The following USPL1 variants were observed in gnomAD, a reference collection of about 807,000 sequenced individuals.
USPL1 encodes the protein ubiquitin specific peptidase like 1.
Under a neutral mutation model 51.5 loss-of-function variants are expected in USPL1, and 27 were observed. The ratio of observed to expected loss-of-function variants is 0.52; its 90% CI spans 0.39 to 0.72. The LOEUF (loss-of-function observed/expected upper bound fraction) is 0.72. Ranked by LOEUF, USPL1 falls within the 30% of genes least tolerant of loss-of-function variation. The pLI, the probability that USPL1 is intolerant of heterozygous loss-of-function variation, is 0.00. For missense variants in USPL1, 1,226 were observed against 1,268.0 expected (o/e 0.97, Z 0.50); for synonymous variants, 451 against 459.6 (o/e 0.98, Z 0.24).
At position 30,621,017 on chromosome 13, in the gene USPL1, CT is replaced by C. The variant is rs1950640166; in HGVS notation, c.-68-50del. The C allele has an allele frequency of 5.3e-6, 4 of 749,912 alleles. No individual in the cohort carries two copies. The Admixed American group carries it at 9.8e-5, about 18-fold the overall frequency. The allele number at this position is 749,912 out of a possible 1,614,324, so 46.5% of individuals were successfully genotyped here. A position where few individuals can be genotyped will look rare whatever the true frequency, so the allele number is the denominator to read the frequency against. On this transcript the variant is annotated intron_variant, in intron 1 of 8. Transcript: ENST00000255304. ...ATACGTCTTATAAAATAGCATGGTT[CT>C]TTTTTATAGTAAATAGAATTTTTAT...
intron 8 of USPL1, among the ~76,000 whole-genome samples, chr13:30,656,172 T>A (rs1951160940): frequency 6.6e-6 from 1 of 152,240 alleles, no homozygotes; most frequent in Non-Finnish European, 1.5e-5. Context: ...CCTAGCCACC[T>A]TCCTTTACTT....
intron 3 of USPL1, among the ~76,000 whole-genome samples, chr13:30,626,251 T>C (rs113529091): frequency 6.6e-6 from 1 of 151,978 alleles, no homozygotes; most frequent in Non-Finnish European, 1.5e-5. Flanking sequence ...TGGCAGAAGT[T>C]GCAGTGAGCC....
At chr13:30,623,603 G>C (rs1322993107) in intron 3 of USPL1, among the ~76,000 whole-genome samples, 1 of 150,604 alleles carries the variant, frequency 6.6e-6, no homozygotes, top group East Asian at 1.9e-4. Context: ...CTGTTATTCA[G>C]AATGAGCCTG....
intron 5 of USPL1, among the ~76,000 whole-genome samples, chr13:30,640,495 G>C (rs556181647): frequency 2.4e-4 from 36 of 152,220 alleles, no homozygotes; most frequent in African/African-American, 8.7e-4. Context: ...TTCAAGATCA[G>C]CCTGGCCAAC....
chr13:30,640,624 T>C (rs1376318625), intron 5 of USPL1, among the ~76,000 whole-genome samples: 1 of 152,138 alleles, frequency 6.6e-6, no homozygotes, highest in Non-Finnish European at 1.5e-5. Flanking sequence ...CAGGAGGCAG[T>C]GGTTGCAGCG....
At chr13:30,619,351 C>G (rs1033711145) in intron 1 of USPL1, among the ~76,000 whole-genome samples, 1 of 152,140 alleles carries the variant, frequency 6.6e-6, no homozygotes, top group East Asian at 1.9e-4. Flanking sequence ...CAACCACCAA[C>G]CTATCTGGTT....
At chr13:30,655,232 C>T (rs529525446) in intron 8 of USPL1, among the ~76,000 whole-genome samples, 40 of 152,274 alleles carry the variant, frequency 2.6e-4, no homozygotes, top group Admixed American at 2.0e-3. Context: ...CCACCGCACC[C>T]GGCCATATCT....
At chr13:30,650,787 C>T (rs545056496) in intron 7 of USPL1, among the ~76,000 whole-genome samples, 2 of 151,562 alleles carry the variant, frequency 1.3e-5, no homozygotes, top group Non-Finnish European at 1.5e-5. Flanking sequence ...GTCAGGAGTT[C>T]GAGACCAATC....
At position 30,658,140 on chromosome 13, in the gene USPL1, T is replaced by C. The variant is rs753931460; in HGVS notation, c.2063T>C (p.Ile688Thr). The C allele has an allele frequency of 1.2e-6, 2 of 1,613,708 alleles. No individual in the cohort carries two copies. The highest frequency in any genetic ancestry group is 1.7e-6 in the Non-Finnish European group (2 of 1,180,010). The change falls in exon 9 of 9, where the codon ATA (isoleucine) becomes ACA (threonine). Residue 688 changes from isoleucine (I) to threonine (T), a missense_variant. Ile to Thr is a moderately conservative substitution (Grantham distance 89, BLOSUM62 -1). Transcript: ENST00000255304. ...AATAATACTGATGCTACTGGTCTTA[T>C]ACAGGGAGTGAAGTCAGTAGAAATT... ...SVNNTDATGL[I>T]QGVKSVEIEK... is the part of the protein sequence containing the mutation.
chr13:30,635,493 T>C (rs748548593), intron 4 of USPL1, among the ~76,000 whole-genome samples: 18 of 152,218 alleles, frequency 1.2e-4, no homozygotes, highest in Non-Finnish European at 1.8e-4. Flanking sequence ...TTCTCTTGGT[T>C]ACTTTGTCTA....
intron 4 of USPL1, among the ~76,000 whole-genome samples, chr13:30,634,601 T>G (rs1446613236): frequency 6.6e-6 from 1 of 152,184 alleles, no homozygotes; most frequent in Non-Finnish European, 1.5e-5. Flanking sequence ...TAACAGAATA[T>G]TCATCTACCT....
At chr13:30,654,344 ATTCTCTCTCTCTCTCTCT>A (rs1385072602) in intron 8 of USPL1, among the ~76,000 whole-genome samples, 1 of 144,502 alleles carries the variant, frequency 6.9e-6, no homozygotes, top group Non-Finnish European at 1.5e-5. Flanking sequence ...CCTCTCTCTC[ATTCTCTCTCTCTCTCTCT>A]TTCTCTCTCT....
intron 1 of USPL1, among the ~76,000 whole-genome samples, chr13:30,618,751 G>A (rs1950605989): frequency 6.6e-6 from 1 of 152,166 alleles, no homozygotes; most frequent in African/African-American, 2.4e-5. Context: ...GAAAGATGCT[G>A]GGGGTGAAGT....
At chr13:30,625,095 C>T (rs752565568) in intron 3 of USPL1, among the ~76,000 whole-genome samples, 2 of 151,910 alleles carry the variant, frequency 1.3e-5, no homozygotes, top group East Asian at 1.9e-4. Flanking sequence ...GCTTTTTTCC[C>T]TTTGGACTAG....
intron 3 of USPL1, among the ~76,000 whole-genome samples, chr13:30,626,620 A>G (rs1212093327): frequency 6.6e-6 from 1 of 152,172 alleles, no homozygotes; most frequent in Non-Finnish European, 1.5e-5. Context: ...GTTCCGTTAT[A>G]AAATTTGGAG....
At chr13:30,641,896 C>T (rs1266760928) in intron 5 of USPL1, among the ~76,000 whole-genome samples, 2 of 151,930 alleles carry the variant, frequency 1.3e-5, no homozygotes, top group Middle Eastern at 3.4e-3. Context: ...TGTAGCAAAC[C>T]ATTTCCATAA....
At chr13:30,641,970 G>T (rs1310243025) in intron 5 of USPL1, among the ~76,000 whole-genome samples, 1 of 151,426 alleles carries the variant, frequency 6.6e-6, no homozygotes, top group African/African-American at 2.4e-5. Context: ...GCAGCGGCAT[G>T]ATCATAGCTC....
Position 30,659,187 on chromosome 13 carries a change from T to G in USPL1, c.3110T>G (p.Val1037Gly). Reference sequence around the variant, plus strand: ...CCCACCAAGAAAAATCCATGTGAAGTTCAGCCAGACTCTCTGACAAATAAT... The same window carrying G: ...CCCACCAAGAAAAATCCATGTGAAGGTCAGCCAGACTCTCTGACAAATAAT... Reference protein sequence around the residue: ...CSPTKKNPCEVQPDSLTNNAC... With the variant: ...CSPTKKNPCEGQPDSLTNNAC... The change falls in exon 9 of 9, where the codon GTT becomes GGT. Residue 1037 changes from valine (V) to glycine (G), a missense_variant. Coordinates refer to ENST00000255304, the MANE Select transcript of USPL1 (RefSeq NM_005800.5). The G allele has an allele frequency of 6.2e-7, 1 of 1,613,816 alleles. No individual in the cohort carries two copies. The highest frequency in any genetic ancestry group is 8.5e-7 in the Non-Finnish European group (1 of 1,179,930).
At position 30,658,548 on chromosome 13, in the gene USPL1, C is replaced by G. The variant is rs1951204185; in HGVS notation, c.2471C>G (p.Pro824Arg). The G allele has an allele frequency of 6.2e-7, 1 of 1,613,996 alleles. No individual in the cohort carries two copies. The highest frequency in any genetic ancestry group is 8.5e-7 in the Non-Finnish European group (1 of 1,180,004). ...KARKSASKPP[P>R]ISKPPAGPPS... ...CGTAAGAGTGCAAGTAAGCCTCCTC[C>G]CATCAGTAAGCCACCAGCAGGCCCT... Residue 824 changes from proline to arginine, a missense_variant, in exon 9 of 9, where the codon CCC becomes CGC. Pro to Arg is a moderately radical substitution (Grantham distance 103, BLOSUM62 -2). Transcript: ENST00000255304.
Sources: gnomAD v4.1 joint callset for allele counts (sites outside exome capture counted in the v4.1 genomes callset) on GRCh38, gnomAD v4.1.1 for gene constraint, MANE v1.5 for transcripts, NCBI Gene and HGNC (gene_info 2026-07-23, HGNC 2026-07-21) for gene names.